The following TMPRSS13 variants were observed in gnomAD, a reference collection of about 807,000 sequenced individuals.
TMPRSS13 encodes the protein transmembrane protease serine 13.
TMPRSS13 carries 50 observed loss-of-function variants against 68.4 expected under a neutral mutation model. The ratio of observed to expected loss-of-function variants is 0.73; its 90% CI spans 0.58 to 0.93. TMPRSS13 has a LOEUF of 0.93. TMPRSS13 is among the 40% of genes least tolerant of loss of function. TMPRSS13 has a pLI of 0.00. For missense variants in TMPRSS13, 615 were observed against 729.2 expected (o/e 0.84, Z 1.80); for synonymous variants, 267 against 285.8 (o/e 0.93, Z 0.66).
intron 3 of TMPRSS13, among the ~76,000 whole-genome samples, chr11:117,916,558 A>G (rs913434402): frequency 3.9e-5 from 6 of 152,252 alleles, no homozygotes; most frequent in Admixed American, 3.9e-4. Flanking sequence ...TGCGCTGCCT[A>G]AAGTTTCCCA....
At chr11:117,928,506 G>C (rs1007890174) in intron 1 of TMPRSS13, among the ~76,000 whole-genome samples, 2 of 152,172 alleles carry the variant, frequency 1.3e-5, no homozygotes, top group South Asian at 4.1e-4. Flanking sequence ...AAGGTACAGA[G>C]AATTTGGAGG....
In TMPRSS13 at chr11:117,914,214, C is replaced by T. The variant is rs914283512; in HGVS notation, c.679+178G>A. Among the ~76,000 whole-genome samples the T allele has an allele frequency of 6.6e-6, 1 of 152,142 alleles. No individual in the cohort carries two copies. The highest frequency in any genetic ancestry group is 2.4e-5 in the African/African-American group (1 of 41,420). Reference sequence around the variant, plus strand: ...TGGGTCTGGATTACATACATGCACACATGCACACACACATACGTGCACACA... The same window carrying T: ...TGGGTCTGGATTACATACATGCACATATGCACACACACATACGTGCACACA... On this transcript the variant is annotated intron_variant, in intron 4 of 12. Transcript: ENST00000524993. This position sits in a 1 kb window ranked among gnomAD's most constrained non-coding sequence, Gnocchi z 4.2.
At chr11:117,911,892 C>G in intron 5 of TMPRSS13, 32 bp from the exon 6 acceptor site, 1 of 1,578,170 alleles carries the variant, frequency 6.3e-7, no homozygotes, top group Non-Finnish European at 8.7e-7. Context: ...AAGAATGAGC[C>G]CCCTGGAGAC....
Position 117,908,758 on chromosome 11 carries a change from C to T in TMPRSS13, c.1136G>A (p.Trp379Ter). The T allele has an allele frequency of 2.5e-6, 4 of 1,609,088 alleles. No homozygotes were observed. The highest frequency in any genetic ancestry group is 3.4e-6 in the Non-Finnish European group (4 of 1,178,618). Residue 379 changes from tryptophan (W) to a stop codon, truncating the protein, a stop_gained, in exon 9 of 13, where the codon TGG becomes TAG. Transcript: ENST00000524993. LOFTEE classifies it high-confidence loss of function. ...GTTGCTGGTGCCCGCGTACACCTTC[C>T]AGCCCTCCAGGACCTTCTCCCGGGT... ...FVTREKVLEG[W>*]KVYAGTSNLH...
intron 10 of TMPRSS13, among the ~76,000 whole-genome samples, chr11:117,905,307 A>G (rs1478704219): frequency 6.6e-6 from 1 of 152,028 alleles, no homozygotes; most frequent in Non-Finnish European, 1.5e-5. Context: ...TCCTACGAGC[A>G]TTCCCTCTCT....
chr11:117,919,036 C>A (rs533331742), intron 1 of TMPRSS13, among the ~76,000 whole-genome samples, 198 bp from the exon 2 acceptor site: 7 of 152,266 alleles, frequency 4.6e-5, no homozygotes, highest in Middle Eastern at 3.4e-3. Flanking sequence ...TGTCCCCCAG[C>A]TCCCCTAGGG....
Position 117,903,921 on chromosome 11 carries a change from G to A in TMPRSS13, c.1524+38C>T, listed in dbSNP as rs1046022090. 8 of 1,603,530 alleles carry A rather than the reference G, an allele frequency of 5.0e-6. No homozygotes were observed. The Admixed American group carries it at 8.5e-5, about 17-fold the overall frequency. The stretch of plus-strand genomic sequence containing the variant: ...ACACCCCTGCCTCCCCCATCCCCAG[G>A]GTGCTGGGACCTGAGCCCCACCCAC... On this transcript the variant is annotated intron_variant, in intron 11 of 12. Coordinates refer to ENST00000524993, the MANE Select transcript of TMPRSS13 (RefSeq NM_001077263.3).
chr11:117,914,609 C>G lies in TMPRSS13; in HGVS notation c.557-95G>C, dbSNP rs2057556980. 5.1e-6 allele frequency: 8 copies of G among 1,567,682 alleles called. No individual in the cohort carries two copies. The highest frequency in any genetic ancestry group is 6.9e-6 in the Non-Finnish European group (8 of 1,161,378). On this transcript the variant is annotated intron_variant, in intron 3 of 12. Transcript: ENST00000524993. This position sits in a 1 kb window ranked among gnomAD's most constrained non-coding sequence, Gnocchi z 4.2. ...GACCTGGGGGTTCTGAGACACCGAC[C>G]TGCAATCCCTCTTGAACTCTGGGGC...
At chr11:117,906,033 G>A (rs1224362300) in intron 9 of TMPRSS13, among the ~76,000 whole-genome samples, 1 of 152,232 alleles carries the variant, frequency 6.6e-6, no homozygotes, top group Non-Finnish European at 1.5e-5. Context: ...TGTACAAGCC[G>A]ATACTGGGCA....
rs747644238 is a variant in TMPRSS13 at position 117,910,666 on chromosome 11, C to G, written c.946+41G>C. 4 of 1,588,210 alleles carry G rather than the reference C, an allele frequency of 2.5e-6. No individual in the cohort carries two copies. In the African/African-American group the frequency reaches 5.4e-5, roughly 21 times the overall value. On this transcript the variant is annotated intron_variant, in intron 7 of 12. Coordinates refer to ENST00000524993, the MANE Select transcript of TMPRSS13 (RefSeq NM_001077263.3). Reference sequence around the variant, plus strand: ...GTGCTGCCCCTCTGCCCTTTACTCCCACACGACACTGGCCACAATCCAAGA... The same window carrying G: ...GTGCTGCCCCTCTGCCCTTTACTCCGACACGACACTGGCCACAATCCAAGA...
intron 9 of TMPRSS13, among the ~76,000 whole-genome samples, chr11:117,906,934 G>A (rs950671197): frequency 3.9e-5 from 6 of 152,194 alleles, no homozygotes; most frequent in Non-Finnish European, 7.3e-5. Flanking sequence ...CAGGGCACAT[G>A]TTCTGGCCAC....
At chr11:117,905,790 G>T in intron 9 of TMPRSS13, 54 bp from the exon 10 acceptor site, 2 of 1,434,530 alleles carry the variant, frequency 1.4e-6, no homozygotes, top group Non-Finnish European at 1.9e-6. Flanking sequence ...ACTTTCAGTA[G>T]GGGGAGGGAG....
In TMPRSS13 at chr11:117,915,569, G is replaced by A. The variant is rs1457366691; in HGVS notation, c.557-1055C>T. Among the ~76,000 whole-genome samples the A allele has an allele frequency of 6.6e-6, 1 of 152,228 alleles. No homozygotes were observed. Among genetic ancestry groups the A allele is most frequent in the Admixed American group, 6.5e-5 (1 of 15,282 alleles). ...CTGGAGTGCTCATGGAGCCCCACGT[G>A]GATGTGTAGTGGAGAGGGTACTGGG... On this transcript the variant is annotated intron_variant, in intron 3 of 12. Transcript: ENST00000524993. The surrounding 1 kb of genome is among the most constrained non-coding windows in gnomAD (Gnocchi z 4.9).
At chr11:117,903,337 T>G in intron 12 of TMPRSS13, 1 of 1,472,470 alleles carries the variant, frequency 6.8e-7, no homozygotes, top group Admixed American at 2.0e-5. Flanking sequence ...CTGCAGAAAC[T>G]GAAACGTTTT....
chr11:117,916,883 T>C (rs192093093), intron 3 of TMPRSS13, among the ~76,000 whole-genome samples: 2 of 152,334 alleles, frequency 1.3e-5, no homozygotes, highest in African/African-American at 4.8e-5. Context: ...ATGCAGAAAC[T>C]GAGCTCAGGG....
intron 2 of TMPRSS13, 63 bp from the exon 3 acceptor site, chr11:117,917,337 G>T: frequency 1.5e-6 from 2 of 1,347,588 alleles, no homozygotes; most frequent in South Asian, 1.2e-5. Flanking sequence ...GATGGAGAGG[G>T]TGGGGGAAAC....
intron 10 of TMPRSS13, 40 bp from the exon 11 acceptor site, chr11:117,904,141 C>G (rs1046385491): frequency 6.2e-7 from 1 of 1,603,530 alleles, no homozygotes; most frequent in South Asian, 1.1e-5. Context: ...GGATGGGAAG[C>G]CAGTGAGATT....
At position 117,912,939 on chromosome 11, in the gene TMPRSS13, T is replaced by C. The variant is rs184926810; in HGVS notation, c.809+838A>G. ...GGCTTGCATAAGGCCACACAACTCA[T>C]AAAAGATGCCCATGGTCTTCCATCT... On this transcript the variant is annotated intron_variant, in intron 5 of 12. Coordinates refer to ENST00000524993, the MANE Select transcript of TMPRSS13 (RefSeq NM_001077263.3). Among the ~76,000 whole-genome samples, 15 of 152,294 alleles carry C rather than the reference T, an allele frequency of 9.8e-5. No individual in the cohort carries two copies. The East Asian group carries it at 1.7e-3, about 18-fold the overall frequency.
At chr11:117,910,564 C>G in intron 7 of TMPRSS13, 143 bp downstream of exon 7, 1 of 749,314 alleles carries the variant, frequency 1.3e-6, no homozygotes, top group South Asian at 2.1e-5. Flanking sequence ...TACAGGGACT[C>G]CAGCCCTGAA....
Sources: gnomAD v4.1 joint callset for allele counts (sites outside exome capture counted in the v4.1 genomes callset) on GRCh38, gnomAD v4.1.1 for gene constraint, Gnocchi (gnomAD v3.1) non-coding constraint, MANE v1.5 for transcripts, NCBI Gene and HGNC (gene_info 2026-07-23, HGNC 2026-07-21) for gene names.